Variants in KCNK10 observed in about 807,000 individuals in gnomAD.
KCNK10 encodes potassium two pore domain channel subfamily K member 10.
KCNK10 carries 25 observed loss-of-function variants against 47.7 expected under a neutral mutation model. The ratio of observed to expected loss-of-function variants is 0.52; its 90% confidence interval spans 0.38 to 0.73. The LOEUF (loss-of-function observed/expected upper bound fraction) is 0.73, where lower values mean the gene tolerates loss of function less well. KCNK10 is among the 30% of genes least tolerant of loss of function. The pLI is 0.00. For missense variants in KCNK10, 563 were observed against 714.5 expected, an observed-to-expected ratio of 0.79 and a Z score of 2.42; for synonymous variants, 303 against 285.6, an observed-to-expected ratio of 1.06 and a Z score of -0.61.
At chr14:88,216,239 T>A (rs1027326865) in intron 4 of KCNK10, among the ~76,000 whole-genome samples, 1 of 152,176 alleles carries the variant, frequency 6.6e-6, no homozygotes, top group Non-Finnish European at 1.5e-5. Context: ...ACTGAAAAAC[T>A]GATTAGGATC....
intron 2 of KCNK10, among the ~76,000 whole-genome samples, chr14:88,248,787 G>A (rs1449908438): frequency 6.6e-6 from 1 of 151,990 alleles, no homozygotes; most frequent in Non-Finnish European, 1.5e-5. Flanking sequence ...TTAAGAATGA[G>A]TCACCAAATC....
chr14:88,211,631 C>T, intron 4 of KCNK10, among the ~76,000 whole-genome samples: 1 of 152,170 alleles, frequency 6.6e-6, no homozygotes, highest in Non-Finnish European at 1.5e-5. Flanking sequence ...GGCGCGGTGG[C>T]TCACGGCTGT....
chr14:88,226,366 G>A (rs980799191), intron 4 of KCNK10, among the ~76,000 whole-genome samples: 2 of 152,184 alleles, frequency 1.3e-5, no homozygotes, highest in African/African-American at 4.8e-5. Flanking sequence ...TGCAGAGACA[G>A]CCTTGAACTC....
upstream of KCNK10, among the ~76,000 whole-genome samples, chr14:88,324,006 A>T (rs10134945): frequency 6.6e-6 from 1 of 152,090 alleles, no homozygotes; most frequent in Non-Finnish European, 1.5e-5. Flanking sequence ...CTCCCAAGGC[A>T]CAGCTTGGTC....
intron 1 of KCNK10, among the ~76,000 whole-genome samples, chr14:88,273,413 C>G (rs114211614): frequency 6.6e-6 from 1 of 152,202 alleles, no homozygotes; most frequent in Non-Finnish European, 1.5e-5. Flanking sequence ...CTTTCTATCT[C>G]GGGCTGCCAG....
At chr14:88,286,634 T>A (rs1025704477) in intron 1 of KCNK10, among the ~76,000 whole-genome samples, 1 of 152,200 alleles carries the variant, frequency 6.6e-6, no homozygotes, top group African/African-American at 2.4e-5. Context: ...CACAGTTCCA[T>A]GTGGCTGGGA....
At chr14:88,275,486 G>A (rs930319900) in intron 1 of KCNK10, among the ~76,000 whole-genome samples, 1 of 152,070 alleles carries the variant, frequency 6.6e-6, no homozygotes, top group Non-Finnish European at 1.5e-5. Flanking sequence ...GATCCCGGAT[G>A]AGAATTTGTT....
chr14:88,239,306 T>C (rs1742794), intron 3 of KCNK10, among the ~76,000 whole-genome samples: 1 of 151,958 alleles, frequency 6.6e-6, no homozygotes, highest in African/African-American at 2.4e-5. Flanking sequence ...GAGTGGATAG[T>C]GGAAGAGGGA....
At chr14:88,271,915 C>T (rs965360339) in intron 1 of KCNK10, among the ~76,000 whole-genome samples, 1 of 147,712 alleles carries the variant, frequency 6.8e-6, no homozygotes, top group African/African-American at 2.5e-5. Context: ...ATTTATAAAC[C>T]AAAGGTATGG....
chr14:88,239,613 C>T (rs542820710), intron 3 of KCNK10, among the ~76,000 whole-genome samples: 1 of 152,274 alleles, frequency 6.6e-6, no homozygotes, highest in Non-Finnish European at 1.5e-5. Flanking sequence ...AATCCCAACA[C>T]TTTGGGAGGC....
intron 4 of KCNK10, among the ~76,000 whole-genome samples, chr14:88,222,252 C>G (rs1163532398): frequency 6.6e-6 from 1 of 152,126 alleles, no homozygotes; most frequent in Non-Finnish European, 1.5e-5. Context: ...CAACTACCTC[C>G]CCCTGGGTCC....
intron 1 of KCNK10, among the ~76,000 whole-genome samples, chr14:88,310,217 C>CATATGGTATATCATATACCATATG (rs1888294311): frequency 1.5e-4 from 14 of 92,180 alleles, no homozygotes; most frequent in Non-Finnish European, 2.1e-4. Context: ...TATACCATAT[C>CATATGGTATATCATATACCATATG]ATATGGTATA....
At chr14:88,193,679 A>G (rs930696664) in intron 4 of KCNK10, among the ~76,000 whole-genome samples, 65 of 152,198 alleles carry the variant, frequency 4.3e-4, no homozygotes, top group African/African-American at 1.4e-3. Context: ...TTTGCTTTAT[A>G]TACTTCATTT....
At chr14:88,250,972 T>G (rs1193422711) in intron 2 of KCNK10, among the ~76,000 whole-genome samples, 2 of 152,138 alleles carry the variant, frequency 1.3e-5, no homozygotes, top group Non-Finnish European at 2.9e-5. Flanking sequence ...CAGTGGCTCA[T>G]GCCTGTAATC....
intron 3 of KCNK10, chr14:88,235,120 A>G (rs1363492055): frequency 2.2e-6 from 1 of 456,642 alleles, no homozygotes; most frequent in South Asian, 1.5e-5. Context: ...GGACAGAAAT[A>G]ATACAGAAGG....
At chr14:88,240,890 A>C in intron 2 of KCNK10, 70 bp from the exon 3 acceptor site, 1 of 983,982 alleles carries the variant, frequency 1.0e-6, no homozygotes, top group Non-Finnish European at 1.6e-6. Flanking sequence ...TCAAAAAAAA[A>C]AAAGGTTCCA....
rs558763506 is a variant in KCNK10, at chr14:88,282,150, A to T, written c.53-18599T>A. 7.9e-5 allele frequency among the ~76,000 whole-genome samples: 12 copies of T among 152,332 alleles called. 2 individuals carry two copies. In the East Asian group the frequency reaches 2.1e-3, roughly 27 times the overall value. On this transcript the variant is annotated intron_variant, in intron 1 of 6. Coordinates refer to ENST00000319231, the MANE Select transcript of KCNK10 (RefSeq NM_138317.3). ...TCAAAGAAGAAGATGTTTGTTATAT[A>T]GTAATTATACTGTATGAAAAAACTA...
chr14:88,184,140 C>T lies in KCNK10; in HGVS notation c.*1395G>A, dbSNP rs1043604644. On this transcript the variant is annotated 3_prime_UTR_variant, in exon 7 of 7. Transcript: ENST00000319231. The stretch of plus-strand genomic sequence containing the variant: ...AATCATCATGCAACCTATGACTAGC[C>T]ATTCCCCGACTTTCCTCTGCGGGAT... 5 of 152,300 alleles carry T rather than the reference C, an allele frequency of 3.3e-5. No individual in the cohort carries two copies. The highest frequency in any genetic ancestry group is 6.6e-5 in the Admixed American group (1 of 15,266). 9.4% of individuals were successfully genotyped at this position (152,300 alleles called of 1,614,324 possible).
In KCNK10 at chr14:88,263,497, T is replaced by A; in HGVS notation, c.107A>T (p.Gln36Leu). Residue 36 changes from glutamine to leucine, a missense_variant, in exon 2 of 7, where the codon CAA becomes CTA. By Grantham distance (113) the Gln-to-Leu change is moderately radical. Transcript: ENST00000319231. ...TGGAGTCGGAGCCGGAGCCGGGGGT[T>A]GCCCGTTAGTGGCGCTCTTGGGCTG... ...VCQPKSATNG[Q>L]PPAPAPTPTP... is the part of the protein sequence containing the mutation. The A allele has an allele frequency of 6.2e-7, 1 of 1,613,574 alleles. No homozygotes were observed.
Sources: gnomAD v4.1 joint callset for allele counts (sites outside exome capture counted in the v4.1 genomes callset) on GRCh38, gnomAD v4.1.1 for gene constraint, MANE v1.5 for transcripts, NCBI Gene and HGNC (gene_info 2026-07-23, HGNC 2026-07-21) for gene names.